Variants in WWOX observed in about 807,000 individuals in gnomAD.
WWOX encodes the protein WW domain-containing oxidoreductase.
Under a neutral mutation model 46.2 loss-of-function variants are expected in WWOX, and 69 were observed. That is an observed-to-expected ratio of 1.49 (90% CI 1.23 to 1.82). The LOEUF (loss-of-function observed/expected upper bound fraction) is 1.82, where lower values mean the gene tolerates loss of function less well. WWOX is among the 40% of genes most tolerant of loss of function. WWOX has a pLI of 0.00. For synonymous variants in WWOX, 359 were observed against 202.6 expected, an observed-to-expected ratio of 1.77 and a Z score of -6.56; for missense variants, 919 against 542.6, an observed-to-expected ratio of 1.69 and a Z score of -6.89.
At chr16:78,698,799 C>G (rs988504820) in intron 8 of WWOX, among the ~76,000 whole-genome samples, 1 of 152,126 alleles carries the variant, frequency 6.6e-6, no homozygotes, top group Non-Finnish European at 1.5e-5. Flanking sequence ...TATGACTATA[C>G]CTGTGACTAG....
chr16:78,821,484 C>T (rs986870309), intron 8 of WWOX, among the ~76,000 whole-genome samples: 4 of 152,190 alleles, frequency 2.6e-5, no homozygotes, highest in African/African-American at 4.8e-5. Flanking sequence ...GTGATCCTGG[C>T]CTTTGTCCAT....
intron 5 of WWOX, among the ~76,000 whole-genome samples, chr16:78,211,811 A>ACGAAGGG (rs2036568715): frequency 6.6e-6 from 1 of 152,312 alleles, no homozygotes; most frequent in African/African-American, 2.4e-5. Flanking sequence ...AAGAACATGC[A>ACGAAGGG]TGAAGGGAGG....
At chr16:78,761,024 T>A (rs2049779422) in intron 8 of WWOX, among the ~76,000 whole-genome samples, 1 of 152,106 alleles carries the variant, frequency 6.6e-6, no homozygotes, top group Admixed American at 6.5e-5. Context: ...CCCTCCCCCA[T>A]GATTCAGTTA....
intron 8 of WWOX, chr16:79,204,311 C>T (rs868336066): frequency 6.6e-6 from 1 of 152,106 alleles, no homozygotes; most frequent in Non-Finnish European, 1.5e-5. Flanking sequence ...CCGGTCAGTT[C>T]TAGAACGCTT....
At chr16:78,248,797 A>G (rs572509464) in intron 5 of WWOX, among the ~76,000 whole-genome samples, 113 of 152,040 alleles carry the variant, frequency 7.4e-4, no homozygotes, top group African/African-American at 2.3e-3. Flanking sequence ...AACCATATCA[A>G]TGTGAATTAA....
chr16:78,888,315 C>T (rs181223894), intron 8 of WWOX, among the ~76,000 whole-genome samples: 20 of 152,282 alleles, frequency 1.3e-4, no homozygotes, highest in African/African-American at 4.8e-4. Context: ...AGAAAGCTTT[C>T]CTTGATTTGT....
At chr16:78,467,177 A>T (rs943144330) in intron 8 of WWOX, among the ~76,000 whole-genome samples, 3 of 152,116 alleles carry the variant, frequency 2.0e-5, no homozygotes, top group African/African-American at 7.2e-5. Context: ...TTTAAAAAAA[A>T]TTTTTCAAAG....
At chr16:78,859,026 AAATATATATATATATATATATATGTAT>A (rs1567608558) in intron 8 of WWOX, among the ~76,000 whole-genome samples, 5 of 23,962 alleles carry the variant, frequency 2.1e-4, no homozygotes, top group African/African-American at 8.3e-4. Flanking sequence ...AAAAAAAAAA[AAATATATATATATATATATATATGTAT>A]ATATATATAT....
At position 78,108,472 on chromosome 16, in the gene WWOX, A is replaced by T; in HGVS notation, c.157A>T (p.Lys53Ter). 6.2e-7 allele frequency: 1 copy of T among 1,614,066 alleles called. No individual in the cohort carries two copies. Among genetic ancestry groups the T allele is most frequent in the Non-Finnish European group, 8.5e-7 (1 of 1,179,964 alleles). ...QWEHPKTGKR[K>*]RVAGDLPYGW... ...GGAACATCCAAAAACTGGAAAAAGAAAACGAGTGGCAGGAGGTTTGTATGT... is the reference window on the plus strand; with the variant it reads ...GGAACATCCAAAAACTGGAAAAAGATAACGAGTGGCAGGAGGTTTGTATGT... Residue 53 changes from lysine (K) to a stop codon, truncating the protein, a stop_gained, in exon 2 of 9, where the codon AAA (lysine) becomes TAA (stop). Transcript: ENST00000566780. LOFTEE classifies it high-confidence loss of function.
At chr16:78,786,450 T>C (rs1056970166) in intron 8 of WWOX, among the ~76,000 whole-genome samples, 3 of 152,216 alleles carry the variant, frequency 2.0e-5, no homozygotes, top group African/African-American at 7.2e-5. Context: ...TAAAATGTAG[T>C]AAAACAATTT....
chr16:78,147,637 G>C (rs998798192), intron 4 of WWOX, among the ~76,000 whole-genome samples: 1 of 147,270 alleles, frequency 6.8e-6, no homozygotes, highest in African/African-American at 2.5e-5. Flanking sequence ...TTAATGGTGA[G>C]AGCCAAGGTC....
intron 5 of WWOX, among the ~76,000 whole-genome samples, chr16:78,351,647 G>A (rs567088066): frequency 6.6e-6 from 1 of 152,124 alleles, no homozygotes; most frequent in Non-Finnish European, 1.5e-5. Context: ...GCCCTGCGTG[G>A]CTATGCATGT....
intron 8 of WWOX, among the ~76,000 whole-genome samples, chr16:78,830,578 T>G (rs1461470339): frequency 6.6e-6 from 1 of 152,052 alleles, no homozygotes; most frequent in Non-Finnish European, 1.5e-5. Context: ...CTCTAGGAGA[T>G]ATTTTCCAAG....
At chr16:78,783,508 C>T (rs1184666713) in intron 8 of WWOX, among the ~76,000 whole-genome samples, 1 of 152,172 alleles carries the variant, frequency 6.6e-6, no homozygotes, top group African/African-American at 2.4e-5. Flanking sequence ...AAGCAAGGGC[C>T]TCTGAATGAG....
chr16:78,453,112 A>T (rs1407972898), intron 8 of WWOX, among the ~76,000 whole-genome samples: 1 of 151,912 alleles, frequency 6.6e-6, no homozygotes, highest in East Asian at 1.9e-4. Flanking sequence ...TTTATATCTT[A>T]TATGTGTATT....
chr16:78,234,447 GC>G (rs1158048763), intron 5 of WWOX, among the ~76,000 whole-genome samples: 9 of 152,080 alleles, frequency 5.9e-5, no homozygotes, highest in Non-Finnish European at 1.3e-4. Context: ...CATACCGCTG[GC>G]TAAAGTGGCC....
chr16:78,830,741 A>G (rs1460433804), intron 8 of WWOX, among the ~76,000 whole-genome samples: 2 of 151,654 alleles, frequency 1.3e-5, no homozygotes, highest in African/African-American at 4.8e-5. Context: ...GGACGGCATC[A>G]GCTTGTATTG....
At position 78,109,778 on chromosome 16, in the gene WWOX, A is replaced by T; in HGVS notation, c.173A>T (p.Asp58Val). The T allele has an allele frequency of 6.2e-7, 1 of 1,614,082 alleles. No individual in the cohort carries two copies. Among genetic ancestry groups the T allele is most frequent in the Non-Finnish European group, 8.5e-7 (1 of 1,180,026 alleles). Reference protein sequence around the residue: ...KTGKRKRVAGDLPYGWEQETD... With the variant: ...KTGKRKRVAGVLPYGWEQETD... ...TAGACCTGTCTTTCTTGTGTTTCAGATTTGCCATACGGATGGGAACAAGAA... is the reference window on the plus strand; with the variant it reads ...TAGACCTGTCTTTCTTGTGTTTCAGTTTTGCCATACGGATGGGAACAAGAA... Residue 58 changes from aspartate (D) to valine (V), a missense_variant and splice_region_variant, in exon 3 of 9, where the codon GAT becomes GTT. Transcript: ENST00000566780.
Position 78,973,613 on chromosome 16 carries a change from G to A in WWOX, c.1057-237995G>A, listed in dbSNP as rs190344579. 8.5e-4 allele frequency among the ~76,000 whole-genome samples: 129 copies of A among 152,250 alleles called. 1 individual carries two copies. The highest frequency in any genetic ancestry group is 1.4e-3 in the Non-Finnish European group (96 of 68,026). On this transcript the variant is annotated intron_variant, in intron 8 of 8. Coordinates refer to ENST00000566780, the MANE Select transcript of WWOX (RefSeq NM_016373.4). Reference sequence around the variant, plus strand: ...TGTCTCAGTCTCTCAAACTGTAGGAGGACCAACTTCAGGGTTTTATTTTGT... The same window carrying A: ...TGTCTCAGTCTCTCAAACTGTAGGAAGACCAACTTCAGGGTTTTATTTTGT...
Sources: gnomAD v4.1 joint callset for allele counts (sites outside exome capture counted in the v4.1 genomes callset) on GRCh38, gnomAD v4.1.1 for gene constraint, MANE v1.5 for transcripts, NCBI Gene and HGNC (gene_info 2026-07-23, HGNC 2026-07-21) for gene names.